Variants in GALNTL6 observed in about 807,000 individuals in gnomAD.
The protein encoded by GALNTL6 is polypeptide N-acetylgalactosaminyltransferase like 6, also known as polypeptide N-acetylgalactosaminyltransferase-like 6.
In GALNTL6, 46 loss-of-function variants were observed where a neutral mutation model predicts 73.7. The observed-to-expected ratio is 0.62, with a 90% CI of 0.49 to 0.80. The LOEUF is 0.80. Ranked by LOEUF, GALNTL6 falls within the 30% of genes least tolerant of loss-of-function variation. GALNTL6 has a pLI of 0.00. For missense variants in GALNTL6, 604 were observed against 755.0 expected, an observed-to-expected ratio of 0.80 and a Z score of 2.34; for synonymous variants, 259 against 263.7, an observed-to-expected ratio of 0.98 and a Z score of 0.17.
intron 5 of GALNTL6, among the ~76,000 whole-genome samples, chr4:172,592,497 C>CT (rs1426715378): frequency 3.3e-5 from 5 of 152,140 alleles, no homozygotes; most frequent in African/African-American, 1.2e-4. Context: ...ACAACACCTA[C>CT]TTTCATATTC....
intron 2 of GALNTL6, among the ~76,000 whole-genome samples, chr4:172,104,384 CTTAAA>C (rs1016019622): frequency 1.1e-4 from 17 of 151,934 alleles, no homozygotes; most frequent in African/African-American, 3.9e-4. Context: ...GAAACATCGA[CTTAAA>C]TTAAAGGGAA....
chr4:172,180,398 C>T (rs1735201739), intron 2 of GALNTL6, among the ~76,000 whole-genome samples: 1 of 151,960 alleles, frequency 6.6e-6, no homozygotes, highest in Admixed American at 6.6e-5. Context: ...CTGTAGGTTT[C>T]CTGTTCATTC....
intron 2 of GALNTL6, among the ~76,000 whole-genome samples, chr4:172,203,079 T>G (rs1285136129): frequency 1.3e-5 from 2 of 152,212 alleles, no homozygotes; most frequent in Non-Finnish European, 2.9e-5. Flanking sequence ...ATGTGTACAT[T>G]TGGCTAAATA....
intron 5 of GALNTL6, among the ~76,000 whole-genome samples, chr4:172,723,432 A>G (rs1467624001): frequency 6.6e-6 from 1 of 152,186 alleles, no homozygotes; most frequent in African/African-American, 2.4e-5. Flanking sequence ...TCATCTAATC[A>G]TAGGAAATTA....
rs532852777 is a variant in GALNTL6, at chr4:172,279,838, A to G, written c.248-31776A>G. Among the ~76,000 whole-genome samples, 19 of 152,326 alleles carry G rather than the reference A, an allele frequency of 1.2e-4. No individual in the cohort carries two copies. The South Asian group carries it at 3.9e-3, about 32-fold the overall frequency. On this transcript the variant is annotated intron_variant, in intron 3 of 12. Coordinates refer to ENST00000506823, the MANE Select transcript of GALNTL6 (RefSeq NM_001034845.3). The stretch of plus-strand genomic sequence containing the variant: ...TGTGGAAGCAATAAAAATATCCATG[A>G]AAGGATAAATGTATTAAAAAATTGT...
At chr4:172,340,134 T>A (rs1046988386) in intron 4 of GALNTL6, among the ~76,000 whole-genome samples, 1 of 152,210 alleles carries the variant, frequency 6.6e-6, no homozygotes, top group Non-Finnish European at 1.5e-5. Flanking sequence ...GTGGGCTTTT[T>A]ATATATGGCA....
At chr4:172,242,323 T>C (rs995877890) in intron 3 of GALNTL6, among the ~76,000 whole-genome samples, 1 of 151,760 alleles carries the variant, frequency 6.6e-6, no homozygotes, top group African/African-American at 2.4e-5. Flanking sequence ...GTGTGTGTGT[T>C]TGTATGTGTG....
At chr4:172,545,035 T>C (rs1395694063) in intron 5 of GALNTL6, among the ~76,000 whole-genome samples, 4 of 152,230 alleles carry the variant, frequency 2.6e-5, no homozygotes, top group Non-Finnish European at 5.9e-5. Context: ...CATGCTTGTA[T>C]GGTCTACTGT....
chr4:172,813,182 G>A (rs1440225784), intron 6 of GALNTL6, among the ~76,000 whole-genome samples: 1 of 152,168 alleles, frequency 6.6e-6, no homozygotes, highest in Non-Finnish European at 1.5e-5. Flanking sequence ...CCAGCAGTAT[G>A]CTTGAAAGAA....
intron 11 of GALNTL6, among the ~76,000 whole-genome samples, chr4:173,009,803 T>C (rs1752464894): frequency 6.6e-6 from 1 of 152,208 alleles, no homozygotes; most frequent in South Asian, 2.1e-4. Flanking sequence ...CACCCCAACA[T>C]GGACTTCAGG....
intron 5 of GALNTL6, among the ~76,000 whole-genome samples, chr4:172,413,550 T>G (rs1744518196): frequency 6.6e-6 from 1 of 152,170 alleles, no homozygotes; most frequent in South Asian, 2.1e-4. Context: ...CATGGCAGCA[T>G]GAACTGAGAT....
chr4:172,282,062 A>G (rs1579329572), intron 3 of GALNTL6, among the ~76,000 whole-genome samples: 1 of 152,214 alleles, frequency 6.6e-6, no homozygotes, highest in South Asian at 2.1e-4. Context: ...AAACTGAATT[A>G]CAATATAATT....
chr4:171,828,137 TG>T (rs918733883), intron 2 of GALNTL6, among the ~76,000 whole-genome samples: 13 of 152,274 alleles, frequency 8.5e-5, no homozygotes, highest in Admixed American at 7.2e-4. Context: ...GATGCAGTAT[TG>T]GGTTATAATT....
At chr4:172,505,225 A>G (rs1486287347) in intron 5 of GALNTL6, among the ~76,000 whole-genome samples, 1 of 55,580 alleles carries the variant, frequency 1.8e-5, no homozygotes, top group Non-Finnish European at 4.2e-5. Flanking sequence ...GTGATTATCC[A>G]TAGTGATGGT....
Position 172,824,198 on chromosome 4 carries a change from A to C in GALNTL6, c.923+10475A>C, listed in dbSNP as rs1283905203. Among the ~76,000 whole-genome samples the C allele has an allele frequency of 2.0e-5, 3 of 152,188 alleles. No homozygotes were observed. In the East Asian group the frequency reaches 5.8e-4, roughly 29 times the overall value. ...TGTGCCGTTGAAGCCTGCAGTATTT[A>C]TATTTAAAGAAATGATGAAAACTGT... On this transcript the variant is annotated intron_variant, in intron 7 of 12. Coordinates refer to ENST00000506823, the MANE Select transcript of GALNTL6 (RefSeq NM_001034845.3).
chr4:172,153,214 C>A (rs745505520), intron 2 of GALNTL6, among the ~76,000 whole-genome samples: 1 of 152,116 alleles, frequency 6.6e-6, no homozygotes, highest in Non-Finnish European at 1.5e-5. Flanking sequence ...GAAAGAAGAG[C>A]GGAAACTCGT....
At chr4:172,947,919 T>G (rs936440518) in intron 9 of GALNTL6, among the ~76,000 whole-genome samples, 1 of 152,172 alleles carries the variant, frequency 6.6e-6, no homozygotes, top group Non-Finnish European at 1.5e-5. Flanking sequence ...CCAATGAAAC[T>G]CTCTTTTTGC....
chr4:172,971,746 G>A (rs566154817), intron 10 of GALNTL6, among the ~76,000 whole-genome samples: 28 of 152,066 alleles, frequency 1.8e-4, no homozygotes, highest in African/African-American at 6.5e-4. Flanking sequence ...GGCAAGAAGT[G>A]GAACAAAAAC....
intron 5 of GALNTL6, among the ~76,000 whole-genome samples, chr4:172,761,656 G>A (rs556549609): frequency 9.7e-5 from 12 of 123,174 alleles, no homozygotes; most frequent in Admixed American, 1.7e-4. Context: ...TGAGAGCTTC[G>A]CCCTTGCTCT....
Sources: allele counts gnomAD v4.1 joint callset (sites outside exome capture counted in the v4.1 genomes callset), GRCh38; gene constraint gnomAD v4.1.1; transcripts MANE v1.5; gene names NCBI Gene and HGNC (gene_info 2026-07-23, HGNC 2026-07-21).